RGS17: variants seen among roughly 807,000 people sequenced by gnomAD.
RGS17 encodes regulator of G-protein signaling 17.
In RGS17, 12 loss-of-function variants were observed where a neutral mutation model predicts 25.5. The observed-to-expected ratio is 0.47, with a 90% CI of 0.30 to 0.76. RGS17 has a LOEUF of 0.76. Among genes scored for constraint, RGS17 ranks in the 30% least tolerant of loss-of-function variants. The pLI, the probability that RGS17 is intolerant of heterozygous loss-of-function variation, is 0.07. For missense variants in RGS17, 196 were observed against 242.2 expected (o/e 0.81, Z 1.27); for synonymous variants, 71 against 76.9 (o/e 0.92, Z 0.40).
chr6:153,066,865 C>A (rs1027195733), intron 1 of RGS17, among the ~76,000 whole-genome samples: 3 of 151,992 alleles, frequency 2.0e-5, no homozygotes, highest in Non-Finnish European at 4.4e-5. Context: ...CATGGTGAAA[C>A]CCTGTCTCTA....
intron 1 of RGS17, among the ~76,000 whole-genome samples, chr6:153,046,483 A>C (rs1776386016): frequency 6.6e-6 from 1 of 151,980 alleles, no homozygotes; most frequent in Admixed American, 6.6e-5. Flanking sequence ...ATGAATATGT[A>C]CAATTATTAT....
intron 1 of RGS17, among the ~76,000 whole-genome samples, chr6:153,072,715 G>T (rs934692370): frequency 6.6e-6 from 1 of 152,198 alleles, no homozygotes; most frequent in Non-Finnish European, 1.5e-5. Flanking sequence ...TGAAAGGTTG[G>T]TTGGCTGAGT....
chr6:153,075,928 A>G (rs1174134221), intron 1 of RGS17, among the ~76,000 whole-genome samples: 1 of 152,184 alleles, frequency 6.6e-6, no homozygotes, highest in Non-Finnish European at 1.5e-5. Flanking sequence ...CGATGGTAAT[A>G]GTGCTTATTT....
chr6:153,092,034 G>A (rs942000898), intron 1 of RGS17, among the ~76,000 whole-genome samples: 2 of 151,952 alleles, frequency 1.3e-5, no homozygotes, highest in African/African-American at 4.8e-5. Flanking sequence ...GATTCAGCTG[G>A]ATATATCTCA....
At chr6:153,051,782 T>C (rs935329694) in intron 1 of RGS17, among the ~76,000 whole-genome samples, 4 of 152,164 alleles carry the variant, frequency 2.6e-5, no homozygotes, top group African/African-American at 7.2e-5. Context: ...AGCCAATCCA[T>C]ATTGCACAAA....
intron 1 of RGS17, among the ~76,000 whole-genome samples, chr6:153,072,954 T>C (rs1776827453): frequency 6.6e-6 from 1 of 152,198 alleles, no homozygotes; most frequent in Admixed American, 6.6e-5. Flanking sequence ...ATATATGTCT[T>C]ATGGCTTATA....
At chr6:153,085,914 AG>A (rs140502447) in intron 1 of RGS17, among the ~76,000 whole-genome samples, 11,760 of 152,190 alleles carry the variant, frequency 0.077, 622 homozygotes, top group East Asian at 0.17. Flanking sequence ...ACAACTGTAG[AG>A]GGGGCAGGCT....
At chr6:153,063,434 T>C (rs994048984) in intron 1 of RGS17, among the ~76,000 whole-genome samples, 8 of 152,076 alleles carry the variant, frequency 5.3e-5, no homozygotes, top group African/African-American at 1.9e-4. Context: ...AAAAATGCAA[T>C]TGGCATAATG....
chr6:153,049,915 G>C (rs1269276328), intron 1 of RGS17, among the ~76,000 whole-genome samples: 1 of 152,076 alleles, frequency 6.6e-6, no homozygotes, highest in Non-Finnish European at 1.5e-5. Flanking sequence ...CAATAATATA[G>C]AAGTCATAAT....
At chr6:153,093,811 G>A (rs886244108) in intron 1 of RGS17, among the ~76,000 whole-genome samples, 2 of 152,120 alleles carry the variant, frequency 1.3e-5, no homozygotes, top group Non-Finnish European at 1.5e-5. Flanking sequence ...CATTGATCTT[G>A]CAGTCAGGGG....
At chr6:153,054,567 C>T (rs4495281) in intron 1 of RGS17, among the ~76,000 whole-genome samples, 58,323 of 151,442 alleles carry the variant, frequency 0.39, 11,923 homozygotes, top group East Asian at 0.62. Flanking sequence ...AGGAGAACTG[C>T]TTGAACACAG....
chr6:153,068,585 C>T (rs543277413), intron 1 of RGS17, among the ~76,000 whole-genome samples: 15 of 152,204 alleles, frequency 9.9e-5, no homozygotes, highest in African/African-American at 2.4e-4. Flanking sequence ...AGGCAACCAA[C>T]GCAAAAATAG....
chr6:153,066,867 C>T (rs1776715781), intron 1 of RGS17, among the ~76,000 whole-genome samples: 1 of 152,062 alleles, frequency 6.6e-6, no homozygotes, highest in African/African-American at 2.4e-5. Context: ...TGGTGAAACC[C>T]TGTCTCTACT....
chr6:153,121,274 C>T (rs1777627486), intron 1 of RGS17, among the ~76,000 whole-genome samples: 1 of 152,174 alleles, frequency 6.6e-6, no homozygotes, highest in African/African-American at 2.4e-5. Context: ...TCTCTCTTTC[C>T]TTTGTTGCTG....
intron 1 of RGS17, among the ~76,000 whole-genome samples, chr6:153,120,886 G>A (rs1249181152): frequency 2.0e-5 from 3 of 152,022 alleles, no homozygotes; most frequent in Non-Finnish European, 4.4e-5. Context: ...TCAATAATCC[G>A]AGAAAATGTC....
At chr6:153,110,425 TACAC>T (rs149969105) in intron 1 of RGS17, among the ~76,000 whole-genome samples, 144 of 144,908 alleles carry the variant, frequency 9.9e-4, no homozygotes, top group African/African-American at 1.9e-3. Context: ...ACTGCCAACA[TACAC>T]ACACACACAC....
chr6:153,118,461 T>C (rs1777574121), intron 1 of RGS17, among the ~76,000 whole-genome samples: 1 of 152,210 alleles, frequency 6.6e-6, no homozygotes, highest in Non-Finnish European at 1.5e-5. Context: ...CAAAAATTCT[T>C]CTGAAGATCT....
At chr6:153,110,503 A>T (rs1271246373) in intron 1 of RGS17, among the ~76,000 whole-genome samples, 1 of 151,976 alleles carries the variant, frequency 6.6e-6, no homozygotes, top group Admixed American at 6.6e-5. Context: ...GAAGGGTCAT[A>T]AAAGGATGCA....
At chr6:153,091,750 T>C (rs1310425514) in intron 1 of RGS17, among the ~76,000 whole-genome samples, 3 of 152,184 alleles carry the variant, frequency 2.0e-5, no homozygotes, top group Non-Finnish European at 2.9e-5. Flanking sequence ...TGACCTCAAG[T>C]GATCTGCCCG....
Sources: gnomAD v4.1 joint callset for allele counts (sites outside exome capture counted in the v4.1 genomes callset) on GRCh38, gnomAD v4.1.1 for gene constraint, MANE v1.5 for transcripts, NCBI Gene and HGNC (gene_info 2026-07-23, HGNC 2026-07-21) for gene names.